The following CSMD1 variants were observed in gnomAD, a reference collection of about 807,000 sequenced individuals.
The protein encoded by CSMD1 is CUB and sushi domain-containing protein 1.
A neutral mutation model predicts 417.5 loss-of-function variants in CSMD1; 213 were observed. That is an observed-to-expected ratio of 0.51 (90% CI 0.46 to 0.57). The LOEUF is 0.57. Ranked by LOEUF, CSMD1 falls within the 20% of genes least tolerant of loss-of-function variation. The probability of loss-of-function intolerance (pLI) is 0.00; values close to 1 mark genes in which losing one functional copy is unlikely to be tolerated. For missense variants in CSMD1, 6,923 were observed against 4,529.7 expected, an observed-to-expected ratio of 1.53 and a Z score of -15.17; for synonymous variants, 2,862 against 1,736.8, an observed-to-expected ratio of 1.65 and a Z score of -16.11.
intron 4 of CSMD1, among the ~76,000 whole-genome samples, chr8:4,020,501 C>A (rs558662481): frequency 7.9e-5 from 12 of 152,268 alleles, no homozygotes; most frequent in South Asian, 6.2e-4. Flanking sequence ...GGGTCCAGAT[C>A]TCACCTCTAC....
At chr8:3,315,437 AGTGTGTGT>A (rs35460301) in intron 23 of CSMD1, among the ~76,000 whole-genome samples, 8 of 124,052 alleles carry the variant, frequency 6.4e-5, no homozygotes, top group African/African-American at 5.4e-5. Flanking sequence ...AGGTGAAGTG[AGTGTGTGT>A]GTGTGTGTGT....
intron 3 of CSMD1, among the ~76,000 whole-genome samples, chr8:4,072,503 G>C (rs1765157415): frequency 6.6e-6 from 1 of 152,130 alleles, no homozygotes; most frequent in Non-Finnish European, 1.5e-5. Context: ...TATAATCCAT[G>C]CAATTGCTGA....
chr8:4,365,961 C>A (rs147284791), intron 3 of CSMD1, among the ~76,000 whole-genome samples: 1 of 152,012 alleles, frequency 6.6e-6, no homozygotes, highest in African/African-American at 2.4e-5. Flanking sequence ...AGGGTATCCA[C>A]GTACAGGTTT....
intron 1 of CSMD1, among the ~76,000 whole-genome samples, chr8:4,881,485 A>T (rs1401409468): frequency 6.7e-6 from 1 of 150,104 alleles, no homozygotes; most frequent in Non-Finnish European, 1.5e-5. Flanking sequence ...CATGCAATAA[A>T]CCCTTGCCTA....
At chr8:3,299,956 CAT>C (rs1293185988) in intron 25 of CSMD1, among the ~76,000 whole-genome samples, 1 of 152,122 alleles carries the variant, frequency 6.6e-6, no homozygotes, top group Non-Finnish European at 1.5e-5. Context: ...AATGTGCAAA[CAT>C]AGCAAATGCA....
At chr8:4,760,405 C>A (rs1020124369) in intron 1 of CSMD1, among the ~76,000 whole-genome samples, 2 of 152,154 alleles carry the variant, frequency 1.3e-5, no homozygotes, top group African/African-American at 2.4e-5. Context: ...TCTCAGCTGA[C>A]TTTATGATAC....
chr8:3,171,325 G>C (rs1399549719), intron 37 of CSMD1, among the ~76,000 whole-genome samples: 3 of 152,148 alleles, frequency 2.0e-5, no homozygotes, highest in Admixed American at 6.5e-5. Flanking sequence ...AAAGTGGGGG[G>C]ACTCCAAGCA....
chr8:4,386,173 C>T (rs1324285155), intron 3 of CSMD1, among the ~76,000 whole-genome samples: 1 of 151,940 alleles, frequency 6.6e-6, no homozygotes, highest in Non-Finnish European at 1.5e-5. Context: ...TCAAACAATA[C>T]ACACTATCAG....
intron 5 of CSMD1, among the ~76,000 whole-genome samples, chr8:3,761,092 T>C (rs113794186): frequency 2.0e-5 from 3 of 152,208 alleles, no homozygotes; most frequent in African/African-American, 4.8e-5. Flanking sequence ...ATGTTTTGAA[T>C]TGGCTGTTAC....
rs960892046 is a variant in CSMD1 at position 4,213,599 on chromosome 8, A to G, written c.416-181500T>C. Among the ~76,000 whole-genome samples the G allele has an allele frequency of 6.6e-5, 10 of 152,318 alleles. No individual in the cohort carries two copies. The South Asian group carries it at 1.9e-3, about 28-fold the overall frequency. On this transcript the variant is annotated intron_variant, in intron 3 of 69. Transcript: ENST00000635120. Reference sequence around the variant, plus strand: ...ACTTGCAACGTGAAAGAAAAATCAAATGTCAGCTTTCTGTTTTTAATGAAT... The same window carrying G: ...ACTTGCAACGTGAAAGAAAAATCAAGTGTCAGCTTTCTGTTTTTAATGAAT...
chr8:3,637,670 G>C (rs1445387196), intron 7 of CSMD1, among the ~76,000 whole-genome samples: 1 of 152,166 alleles, frequency 6.6e-6, no homozygotes, highest in Non-Finnish European at 1.5e-5. Flanking sequence ...ACAATCATAT[G>C]AAACAGGATG....
intron 21 of CSMD1, among the ~76,000 whole-genome samples, chr8:3,356,399 G>A (rs538800544): frequency 3.3e-5 from 5 of 152,162 alleles, no homozygotes; most frequent in African/African-American, 7.2e-5. Context: ...ACTTGAGGCC[G>A]GGCACTGTGG....
At chr8:3,244,526 T>C (rs1652078098) in intron 26 of CSMD1, among the ~76,000 whole-genome samples, 1 of 152,194 alleles carries the variant, frequency 6.6e-6, no homozygotes, top group Non-Finnish European at 1.5e-5. Context: ...TTTTACACTG[T>C]ACATACATCT....
intron 1 of CSMD1, among the ~76,000 whole-genome samples, chr8:4,819,658 T>C (rs750448144): frequency 7.9e-5 from 12 of 152,182 alleles, no homozygotes; most frequent in Non-Finnish European, 1.8e-4. Context: ...TCATCTGTTG[T>C]CACCCCTGTC....
chr8:3,099,463 C>G (rs1454394723), intron 46 of CSMD1, among the ~76,000 whole-genome samples: 1 of 152,172 alleles, frequency 6.6e-6, no homozygotes, highest in African/African-American at 2.4e-5. Context: ...ATTCATCCTT[C>G]TCTAGGCTGA....
chr8:3,579,629 A>G (rs977334588), intron 9 of CSMD1, among the ~76,000 whole-genome samples: 10 of 152,196 alleles, frequency 6.6e-5, no homozygotes, highest in African/African-American at 2.4e-4. Flanking sequence ...GAGGCTAAGA[A>G]CTTCCTTTCC....
At position 2,978,738 on chromosome 8, in the gene CSMD1, G is replaced by A. The variant is rs376569831; in HGVS notation, c.8440C>T (p.Pro2814Ser). ...NAIRHGQQNF[P>S]ESFEYGMSIL... The stretch of plus-strand genomic sequence containing the variant: ...CTCATTCCATACTCAAAACTCTCAG[G>A]GAAGTTCTGTTGCCCGTGACGAATG... The change falls in exon 55 of 70, where the codon CCT becomes TCT. Residue 2814 changes from proline to serine, a missense_variant. Physicochemically the swap from Pro to Ser is moderately conservative, Grantham distance 74. Coordinates refer to ENST00000635120, the MANE Select transcript of CSMD1 (RefSeq NM_033225.6). 4.2e-5 allele frequency: 67 copies of A among 1,613,354 alleles called. No individual in the cohort carries two copies. The highest frequency in any genetic ancestry group is 5.5e-5 in the South Asian group (5 of 90,912).
intron 12 of CSMD1, among the ~76,000 whole-genome samples, chr8:3,439,309 A>ATATATATATATATATATTTTTT: frequency 1.6e-4 from 10 of 62,422 alleles, no homozygotes; most frequent in Admixed American, 4.4e-4. Context: ...ATATATATAT[A>ATATATATATATATATATTTTTT]TTTTTTTTTT....
At chr8:3,258,783 C>A (rs889568348) in intron 26 of CSMD1, among the ~76,000 whole-genome samples, 1 of 152,130 alleles carries the variant, frequency 6.6e-6, no homozygotes, top group Non-Finnish European at 1.5e-5. Flanking sequence ...GAGATCATGT[C>A]CTTTACAGGA....
Sources: gnomAD v4.1 joint callset for allele counts (sites outside exome capture counted in the v4.1 genomes callset) on GRCh38, gnomAD v4.1.1 for gene constraint, MANE v1.5 for transcripts, NCBI Gene and HGNC (gene_info 2026-07-23, HGNC 2026-07-21) for gene names.